The following COX7A2L variants were observed in gnomAD, a reference collection of about 807,000 sequenced individuals.
COX7A2L encodes the protein cytochrome c oxidase subunit 7A2 like.
In COX7A2L, 18 loss-of-function variants were observed where a neutral mutation model predicts 14.2. That is an observed-to-expected ratio of 1.27 (90% CI 0.88 to 1.88). The LOEUF is 1.88. Ranked by LOEUF, COX7A2L falls within the 40% of genes most tolerant of loss-of-function variation. The probability of loss-of-function intolerance (pLI) is 0.00; values close to 1 mark genes in which losing one functional copy is unlikely to be tolerated. For synonymous variants in COX7A2L, 65 were observed against 57.4 expected (o/e 1.13, Z -0.60); for missense variants, 179 against 138.8 (o/e 1.29, Z -1.46).
intron 2 of COX7A2L, among the ~76,000 whole-genome samples, chr2:42,337,641 C>T (rs1670310578): frequency 6.6e-6 from 1 of 152,148 alleles, no homozygotes; most frequent in Non-Finnish European, 1.5e-5. Context: ...TGTTACTTTC[C>T]TGGTCTCATA....
Position 42,342,273 on chromosome 2 carries a change from C to A in COX7A2L, c.193-8404G>T, listed in dbSNP as rs996590118. Among the ~76,000 whole-genome samples, 2 of 152,092 alleles carry A rather than the reference C, an allele frequency of 1.3e-5. No individual in the cohort carries two copies. The highest frequency in any genetic ancestry group is 4.8e-5 in the African/African-American group (2 of 41,420). On this transcript the variant is annotated intron_variant, in intron 2 of 2. Coordinates refer to the COX7A2L transcript ENST00000468711. This position sits in a 1 kb window ranked among gnomAD's most constrained non-coding sequence, Gnocchi z 4.9. ...GCAGAGCCTGCCTCTTCCACCCTAG[C>A]CTAGCTGCCCTTCCCTGCTCTCTCC...
chr2:42,351,161 G>T lies in COX7A2L; in HGVS notation c.*58C>A. ...AAAAAAAAAATTTTAATTTAACAATGAAAAAGGAACTTCAAAGGGTTTATG... is the reference window on the plus strand; with the variant it reads ...AAAAAAAAAATTTTAATTTAACAATTAAAAAGGAACTTCAAAGGGTTTATG... On this transcript the variant is annotated 3_prime_UTR_variant, in exon 3 of 3. Coordinates refer to ENST00000234301, the MANE Select transcript of COX7A2L (RefSeq NM_004718.4). 6.7e-7 allele frequency: 1 copy of T among 1,497,262 alleles called. No individual in the cohort carries two copies. The highest frequency in any genetic ancestry group is 1.4e-5 in the South Asian group (1 of 72,900). 92.7% of individuals were successfully genotyped at this position (1,497,262 alleles called of 1,614,324 possible).
chr2:42,337,860 C>T (rs187964486), intron 2 of COX7A2L, among the ~76,000 whole-genome samples: 5 of 152,332 alleles, frequency 3.3e-5, no homozygotes, highest in Non-Finnish European at 7.3e-5. Flanking sequence ...CACGTGTGCA[C>T]CTGCAGTGCT....
At chr2:42,345,615 C>T (rs1670480764), downstream of COX7A2L, among the ~76,000 whole-genome samples, 1 of 152,212 alleles carries the variant, frequency 6.6e-6, no homozygotes, top group Non-Finnish European at 1.5e-5. Context: ...TGAGGGTCTG[C>T]CTTCCTTTCA....
chr2:42,352,306 G>A (rs1345005402), intron 2 of COX7A2L, among the ~76,000 whole-genome samples: 4 of 152,032 alleles, frequency 2.6e-5, no homozygotes, highest in Non-Finnish European at 5.9e-5. Context: ...AGTAGCTGGG[G>A]TTACAGACGC....
intron 1 of COX7A2L, among the ~76,000 whole-genome samples, chr2:42,358,304 A>T (rs1426017893): frequency 1.3e-5 from 2 of 152,228 alleles, no homozygotes; most frequent in African/African-American, 4.8e-5. Flanking sequence ...GAGAAAGGTA[A>T]GGAAGATGCC....
rs897933513 is a variant in COX7A2L at position 42,338,965 on chromosome 2, G to A, written c.193-5096C>T. Among the ~76,000 whole-genome samples the A allele has an allele frequency of 1.3e-5, 2 of 152,160 alleles. No individual in the cohort carries two copies. Among genetic ancestry groups the A allele is most frequent in the Non-Finnish European group, 2.9e-5 (2 of 68,028 alleles). ...AGATTAGCTGTCCCTGCATCAGAGC[G>A]CCAGGAAGGCTGTCCCCTCTGATCA... On this transcript the variant is annotated intron_variant, in intron 2 of 2. Transcript: ENST00000468711. The surrounding 1 kb of genome is among the most constrained non-coding windows in gnomAD (Gnocchi z 4.4).
At chr2:42,347,243 T>C (rs1670516507), downstream of COX7A2L, among the ~76,000 whole-genome samples, 1 of 151,040 alleles carries the variant, frequency 6.6e-6, no homozygotes, top group South Asian at 2.1e-4. Flanking sequence ...TAATATTTTA[T>C]GTAGACAAAG....
rs1169396368 is a variant in COX7A2L at position 42,351,251 on chromosome 2, G to A, written c.313C>T (p.Leu105Phe). 2 of 1,614,112 alleles carry A rather than the reference G, an allele frequency of 1.2e-6. No individual in the cohort carries two copies. Among genetic ancestry groups the A allele is most frequent in the Non-Finnish European group, 8.5e-7 (1 of 1,179,994 alleles). ...TTTTTGGGCTGCGAAGCCATGTAGA[G>A]GGCGATCAGGCAGTAGATGGTCCCT... ...VGGTIYCLIALYMASQPKNK is the reference protein window; with the variant it reads ...VGGTIYCLIAFYMASQPKNK The change falls in exon 3 of 3, where the codon CTC becomes TTC. Residue 105 changes from leucine (L) to phenylalanine (F), a missense_variant. Leu to Phe is a conservative substitution (Grantham distance 22). Transcript: ENST00000234301.
intron 1 of COX7A2L, among the ~76,000 whole-genome samples, chr2:42,354,235 T>C (rs2534611): frequency 6.6e-6 from 1 of 152,212 alleles, no homozygotes; most frequent in Non-Finnish European, 1.5e-5. Context: ...GGGCAACTTG[T>C]ATGCTATGTA....
At chr2:42,348,779 A>C (rs1434151548), downstream of COX7A2L, among the ~76,000 whole-genome samples, 2 of 152,104 alleles carry the variant, frequency 1.3e-5, no homozygotes, top group Non-Finnish European at 2.9e-5. Flanking sequence ...TTAGCTGGGC[A>C]TGGTGGTGTG....
upstream of COX7A2L, among the ~76,000 whole-genome samples, chr2:42,364,862 C>T (rs1671130401): frequency 6.6e-6 from 1 of 152,146 alleles, no homozygotes; most frequent in African/African-American, 2.4e-5. Flanking sequence ...AACATATTGA[C>T]ATCAACTCCC....
chr2:42,343,946 G>A (rs1272891010), intron 2 of COX7A2L, among the ~76,000 whole-genome samples: 5 of 152,226 alleles, frequency 3.3e-5, no homozygotes, highest in African/African-American at 4.8e-5. Flanking sequence ...TGAAGGGGCC[G>A]AGAAGGAGAG....
chr2:42,339,583 C>T lies in COX7A2L; in HGVS notation c.193-5714G>A, dbSNP rs1670359527. 1.3e-5 allele frequency among the ~76,000 whole-genome samples: 2 copies of T among 152,148 alleles called. No individual in the cohort carries two copies. The highest frequency in any genetic ancestry group is 4.1e-4 in the South Asian group (2 of 4,832). On this transcript the variant is annotated intron_variant, in intron 2 of 2. Coordinates refer to the COX7A2L transcript ENST00000468711. The surrounding 1 kb of genome is among the most constrained non-coding windows in gnomAD (Gnocchi z 5.4). Reference sequence around the variant, plus strand: ...TTCTTCCCTTCTGCCCTTCCTCCCTCCCTTTATCCCTCCCTCCTGCCTTGC... The same window carrying T: ...TTCTTCCCTTCTGCCCTTCCTCCCTTCCTTTATCCCTCCCTCCTGCCTTGC...
intron 2 of COX7A2L, among the ~76,000 whole-genome samples, chr2:42,343,065 CACGTCA>C (rs1370978729): frequency 1.3e-5 from 2 of 152,194 alleles, no homozygotes; most frequent in Admixed American, 1.3e-4. Flanking sequence ...TGCTCTCGTT[CACGTCA>C]TGAGAGCAAG....
intron 1 of COX7A2L, among the ~76,000 whole-genome samples, chr2:42,355,225 G>A (rs1219265869): frequency 6.6e-6 from 1 of 152,108 alleles, no homozygotes; most frequent in African/African-American, 2.4e-5. Flanking sequence ...AGGCAAACAG[G>A]GGCTCTACTA....
At chr2:42,353,179 C>CA in intron 2 of COX7A2L, 33 bp downstream of exon 2, 1 of 1,598,398 alleles carries the variant, frequency 6.3e-7, no homozygotes, top group Non-Finnish European at 8.5e-7. Context: ...ATTTATTTCA[C>CA]AGGCTTTTCT....
chr2:42,338,109 C>T lies in COX7A2L; in HGVS notation c.193-4240G>A, dbSNP rs1455097508. Among the ~76,000 whole-genome samples the T allele has an allele frequency of 6.6e-6, 1 of 152,142 alleles. No individual in the cohort carries two copies. Among genetic ancestry groups the T allele is most frequent in the African/African-American group, 2.4e-5 (1 of 41,452 alleles). On this transcript the variant is annotated intron_variant, in intron 2 of 2. Coordinates refer to the COX7A2L transcript ENST00000468711. This position sits in a 1 kb window ranked among gnomAD's most constrained non-coding sequence, Gnocchi z 4.4. Reference sequence around the variant, plus strand: ...CTAAGAATTCATCTTCTGGTCCGCCCCTCCGATGACGGTTGGTTGGTCCAT... The same window carrying T: ...CTAAGAATTCATCTTCTGGTCCGCCTCTCCGATGACGGTTGGTTGGTCCAT...
At chr2:42,364,198 C>T (rs71441196), upstream of COX7A2L, among the ~76,000 whole-genome samples, 42,448 of 147,560 alleles carry the variant, frequency 0.29, 6,461 homozygotes, top group East Asian at 0.56. Flanking sequence ...TTGCAGTGAG[C>T]CGAGATCGCG....
Sources: allele counts gnomAD v4.1 joint callset (sites outside exome capture counted in the v4.1 genomes callset), GRCh38; gene constraint gnomAD v4.1.1; non-coding constraint Gnocchi (gnomAD v3.1); transcripts MANE v1.5; gene names NCBI Gene and HGNC (gene_info 2026-07-23, HGNC 2026-07-21).